Variants in HYDIN observed in about 807,000 individuals in gnomAD.
The protein encoded by HYDIN is axonemal central pair apparatus protein HYDIN.
Under a neutral mutation model 403.9 loss-of-function variants are expected in HYDIN, and 132 were observed. The observed-to-expected ratio is 0.33, with a 90% CI of 0.28 to 0.38. HYDIN has a LOEUF of 0.38. Ranked by LOEUF, HYDIN falls within the 10% of genes least tolerant of loss-of-function variation. The pLI is 1.00. For synonymous variants in HYDIN, 1,202 were observed against 1,891.7 expected, an observed-to-expected ratio of 0.64 and a Z score of 9.46; for missense variants, 2,827 against 5,009.5, an observed-to-expected ratio of 0.56 and a Z score of 13.15.
chr16:71,158,412 TA>T (rs1488828663), intron 6 of HYDIN, among the ~76,000 whole-genome samples: 15 of 152,114 alleles, frequency 9.9e-5, no homozygotes, highest in Non-Finnish European at 1.8e-4. Context: ...AAAGATTTTA[TA>T]TTTTTTTTTG....
intron 13 of HYDIN, among the ~76,000 whole-genome samples, chr16:71,079,450 CA>C (rs1486215759): frequency 9.4e-5 from 14 of 149,146 alleles, no homozygotes; most frequent in Admixed American, 3.4e-4. Flanking sequence ...CTTTTGCTTT[CA>C]GTGCTACATT....
chr16:71,020,172 A>G lies in HYDIN; in HGVS notation c.3330+2T>C. On this transcript the variant is annotated splice_donor_variant, in intron 22 of 85. Coordinates refer to ENST00000393567, the MANE Select transcript of HYDIN (RefSeq NM_001270974.2). LOFTEE classifies it high-confidence loss of function. ...TGCCAGAACAGACCCCTATTAAGGT[A>G]CCTCAGGAGTTGCCGGCAGCAGGGA... 2 of 1,613,644 alleles carry G rather than the reference A, an allele frequency of 1.2e-6. No homozygotes were observed. The highest frequency in any genetic ancestry group is 1.7e-6 in the Non-Finnish European group (2 of 1,179,892).
intron 18 of HYDIN, among the ~76,000 whole-genome samples, chr16:71,048,842 C>T (rs2081537841): frequency 6.6e-6 from 1 of 152,086 alleles, no homozygotes; most frequent in Non-Finnish European, 1.5e-5. Flanking sequence ...ATATAACAAA[C>T]CTGCACATGT....
intron 7 of HYDIN, among the ~76,000 whole-genome samples, chr16:71,137,940 C>T (rs1329752607): frequency 1.3e-5 from 2 of 151,974 alleles, no homozygotes; most frequent in African/African-American, 4.8e-5. Context: ...CATACACACA[C>T]ACACACACAC....
chr16:70,865,229 G>A (rs1440983531), intron 67 of HYDIN: 2 of 372,574 alleles, frequency 5.4e-6, no homozygotes, highest in African/African-American at 4.2e-5. Flanking sequence ...CTCTCACTTT[G>A]TTCTCACTTC....
intron 18 of HYDIN, among the ~76,000 whole-genome samples, chr16:71,057,031 A>G (rs2081921529): frequency 8.9e-6 from 1 of 111,784 alleles, no homozygotes; most frequent in Non-Finnish European, 1.9e-5. Context: ...TTTTTTTTTG[A>G]GATGGAGTTT....
intron 6 of HYDIN, among the ~76,000 whole-genome samples, chr16:71,155,295 A>G (rs938246587): frequency 2.8e-5 from 4 of 140,728 alleles, no homozygotes; most frequent in African/African-American, 1.1e-4. Flanking sequence ...CTGTCCAAAT[A>G]TCCTATACAC....
At chr16:70,902,824 T>A (rs867235906) in intron 52 of HYDIN, among the ~76,000 whole-genome samples, 438 of 39,072 alleles carry the variant, frequency 0.011, 4 homozygotes, top group African/African-American at 0.023. Flanking sequence ...TATATATATT[T>A]TTTTTTTTTT....
chr16:70,901,633 TG>T (rs2076382228), intron 52 of HYDIN, among the ~76,000 whole-genome samples: 1 of 148,720 alleles, frequency 6.7e-6, no homozygotes, highest in African/African-American at 2.5e-5. Context: ...TCATCCAGTC[TG>T]GAGTGCAGTG....
chr16:71,110,702 G>A (rs2083797468), intron 10 of HYDIN, among the ~76,000 whole-genome samples: 1 of 150,526 alleles, frequency 6.6e-6, no homozygotes, highest in Admixed American at 6.7e-5. Flanking sequence ...GGTAGCACAG[G>A]CTTGGGTCAG....
At chr16:70,989,917 T>C (rs1054175882) in intron 25 of HYDIN, among the ~76,000 whole-genome samples, 12 of 152,318 alleles carry the variant, frequency 7.9e-5, no homozygotes, top group African/African-American at 2.6e-4. Flanking sequence ...ATTCCAGAGA[T>C]ATTCCACGCA....
intron 7 of HYDIN, among the ~76,000 whole-genome samples, chr16:71,149,619 C>T (rs1464696232): frequency 6.6e-5 from 10 of 151,970 alleles, no homozygotes; most frequent in Non-Finnish European, 1.3e-4. Flanking sequence ...CTCCGCCTCC[C>T]GGGTTCAAGC....
At chr16:70,940,546 C>T (rs1425347197) in intron 43 of HYDIN, among the ~76,000 whole-genome samples, 6 of 151,906 alleles carry the variant, frequency 3.9e-5, no homozygotes, top group African/African-American at 1.4e-4. Context: ...GAGGAGCCCA[C>T]AGTTGAACTG....
chr16:71,196,344 T>G (rs2087697001), intron 1 of HYDIN, among the ~76,000 whole-genome samples: 1 of 152,158 alleles, frequency 6.6e-6, no homozygotes, highest in Non-Finnish European at 1.5e-5. Flanking sequence ...AGCATCCAAT[T>G]AACTGAGTGC....
intron 41 of HYDIN, among the ~76,000 whole-genome samples, chr16:70,944,856 G>T (rs879605342): frequency 3.3e-5 from 5 of 152,188 alleles, no homozygotes; most frequent in Non-Finnish European, 7.3e-5. Context: ...GGGTTTAAGT[G>T]ATTCTCCTGC....
intron 16 of HYDIN, among the ~76,000 whole-genome samples, chr16:71,064,143 T>C (rs935901616): frequency 7.5e-6 from 1 of 133,944 alleles, no homozygotes; most frequent in Admixed American, 7.5e-5. Flanking sequence ...TCCATTACTC[T>C]AATCTGTACA....
chr16:70,859,451 G>A (rs891425378), intron 71 of HYDIN, among the ~76,000 whole-genome samples: 13 of 152,186 alleles, frequency 8.5e-5, no homozygotes, highest in Non-Finnish European at 1.6e-4. Context: ...ACCCACAAAT[G>A]TCTCCTTGGC....
intron 65 of HYDIN, 62 bp downstream of exon 65, chr16:70,871,975 A>C: frequency 6.6e-7 from 1 of 1,525,120 alleles, no homozygotes; most frequent in Non-Finnish European, 8.8e-7. Context: ...AGGGCTGACA[A>C]TCAGTCTGGG....
intron 23 of HYDIN, among the ~76,000 whole-genome samples, chr16:71,008,467 G>A (rs1474773861): frequency 6.6e-6 from 1 of 152,136 alleles, no homozygotes; most frequent in Non-Finnish European, 1.5e-5. Context: ...ACTGCTATTG[G>A]TCAAGATTAC....
Sources: allele counts gnomAD v4.1 joint callset (sites outside exome capture counted in the v4.1 genomes callset), GRCh38; gene constraint gnomAD v4.1.1; transcripts MANE v1.5; gene names NCBI Gene and HGNC (gene_info 2026-07-23, HGNC 2026-07-21).